Variants in GRID2 observed in about 807,000 individuals in gnomAD.
The protein encoded by GRID2 is glutamate receptor ionotropic, delta-2.
Under a neutral mutation model 114.8 loss-of-function variants are expected in GRID2, and 33 were observed. The ratio of observed to expected loss-of-function variants is 0.29; its 90% confidence interval spans 0.22 to 0.38. The LOEUF is 0.38. Ranked by LOEUF, GRID2 falls within the 10% of genes least tolerant of loss-of-function variation. The pLI, the probability that GRID2 is intolerant of heterozygous loss-of-function variation, is 1.00. For synonymous variants in GRID2, 505 were observed against 449.9 expected (o/e 1.12, Z -1.55); for missense variants, 1,184 against 1,257.7 (o/e 0.94, Z 0.89).
chr4:92,923,504 C>T (rs896982238), intron 2 of GRID2, among the ~76,000 whole-genome samples: 36 of 151,424 alleles, frequency 2.4e-4, no homozygotes, highest in African/African-American at 8.5e-4. Flanking sequence ...AATTAGAAAT[C>T]AATAAAAAAA....
intron 2 of GRID2, among the ~76,000 whole-genome samples, chr4:92,734,422 C>T (rs1332981720): frequency 6.6e-6 from 1 of 151,970 alleles, no homozygotes; most frequent in Non-Finnish European, 1.5e-5. Flanking sequence ...TCTGAGACTA[C>T]AGGTGCATGC....
chr4:93,657,997 C>A (rs1421919490), intron 14 of GRID2, among the ~76,000 whole-genome samples: 1 of 152,074 alleles, frequency 6.6e-6, no homozygotes, highest in Non-Finnish European at 1.5e-5. Flanking sequence ...TGAAATGGAC[C>A]ATTCATTTCT....
chr4:93,539,802 T>G (rs547660962), intron 13 of GRID2, among the ~76,000 whole-genome samples: 17 of 151,986 alleles, frequency 1.1e-4, no homozygotes, highest in Non-Finnish European at 2.1e-4. Flanking sequence ...TCTGATGGGT[T>G]TTTTTTGTTT....
chr4:93,769,140 A>G lies in GRID2; in HGVS notation c.2361-70A>G. 3 of 1,491,800 alleles carry G rather than the reference A, an allele frequency of 2.0e-6. No individual in the cohort carries two copies. The South Asian group carries it at 3.5e-5, about 17-fold the overall frequency. 92.4% of individuals were successfully genotyped at this position (1,491,800 alleles called of 1,614,324 possible). ...ACCATCCTACAGAGGTGGGATTATA[A>G]ATGGATGTGTTGTGAACCAGGGCGA... On this transcript the variant is annotated intron_variant, in intron 14 of 15. Coordinates refer to ENST00000282020, the MANE Select transcript of GRID2 (RefSeq NM_001510.4).
intron 8 of GRID2, among the ~76,000 whole-genome samples, chr4:93,395,124 T>C (rs909525859): frequency 5.9e-5 from 9 of 151,956 alleles, no homozygotes; most frequent in Non-Finnish European, 1.0e-4. Context: ...AACAAAGACA[T>C]ACACATGATT....
At chr4:92,526,775 C>T (rs188298935) in intron 1 of GRID2, among the ~76,000 whole-genome samples, 248 of 151,966 alleles carry the variant, frequency 1.6e-3, no homozygotes, top group African/African-American at 5.8e-3. Flanking sequence ...CTTCCTGAAC[C>T]ATAAGTCATA....
intron 13 of GRID2, among the ~76,000 whole-genome samples, chr4:93,525,928 T>A (rs576074708): frequency 3.9e-5 from 6 of 152,334 alleles, no homozygotes; most frequent in African/African-American, 1.4e-4. Flanking sequence ...CTTATTCCAA[T>A]AAATATCCAA....
intron 2 of GRID2, among the ~76,000 whole-genome samples, chr4:92,770,389 A>G (rs954860330): frequency 6.6e-6 from 1 of 152,104 alleles, no homozygotes. Flanking sequence ...TGAGCCCTCC[A>G]AACTGTTCCA....
intron 1 of GRID2, among the ~76,000 whole-genome samples, chr4:92,564,141 T>C (rs1727227182): frequency 6.6e-6 from 1 of 152,056 alleles, no homozygotes; most frequent in African/African-American, 2.4e-5. Flanking sequence ...TCCTAGTCTA[T>C]ACACCAAATG....
At chr4:93,738,545 G>A (rs1190800542) in intron 14 of GRID2, among the ~76,000 whole-genome samples, 1 of 152,092 alleles carries the variant, frequency 6.6e-6, no homozygotes, top group East Asian at 1.9e-4. Flanking sequence ...ATGCCTAATA[G>A]ACTTAATGAT....
At chr4:93,789,666 G>T (rs1274372024) in intron 1 of GRID2, among the ~76,000 whole-genome samples, 1 of 152,118 alleles carries the variant, frequency 6.6e-6, no homozygotes, top group African/African-American at 2.4e-5. Flanking sequence ...AATAATATGG[G>T]ACATATCAAA....
intron 8 of GRID2, among the ~76,000 whole-genome samples, chr4:93,360,592 G>T (rs922831267): frequency 5.9e-5 from 9 of 151,738 alleles, no homozygotes; most frequent in African/African-American, 2.2e-4. Context: ...GTATTGCATT[G>T]TGGTCAGATA....
intron 2 of GRID2, among the ~76,000 whole-genome samples, chr4:92,744,851 C>G (rs552606603): frequency 6.6e-6 from 1 of 152,242 alleles, no homozygotes; most frequent in African/African-American, 2.4e-5. Flanking sequence ...ATTTCCCTAA[C>G]TGGATTATGA....
chr4:92,315,993 C>CAAAAAAAAAAAAAAAAAAAAAAAAGAAAA (rs778361565), intron 1 of GRID2, among the ~76,000 whole-genome samples: 2 of 61,916 alleles, frequency 3.2e-5, no homozygotes, highest in African/African-American at 1.2e-4. Flanking sequence ...AAACAAAAAG[C>CAAAAAAAAAAAAAAAAAAAAAAAAGAAAA]AAAAAAAAAA....
At chr4:93,637,712 A>G (rs1721540637) in intron 14 of GRID2, among the ~76,000 whole-genome samples, 1 of 152,180 alleles carries the variant, frequency 6.6e-6, no homozygotes, top group Non-Finnish European at 1.5e-5. Context: ...ATTGAAAGCT[A>G]TGGGACGATA....
At chr4:92,478,799 T>C (rs1474353648) in intron 1 of GRID2, among the ~76,000 whole-genome samples, 1 of 152,118 alleles carries the variant, frequency 6.6e-6, no homozygotes, top group Non-Finnish European at 1.5e-5. Flanking sequence ...CCTCTCCCAA[T>C]ATAGAATTTC....
intron 13 of GRID2, among the ~76,000 whole-genome samples, chr4:93,603,077 G>C (rs948024707): frequency 3.3e-5 from 5 of 152,252 alleles, no homozygotes; most frequent in South Asian, 2.1e-4. Flanking sequence ...AGACGTGGTG[G>C]CAGGCGCCTG....
intron 2 of GRID2, among the ~76,000 whole-genome samples, chr4:92,916,789 T>C (rs1447953842): frequency 6.6e-6 from 1 of 152,198 alleles, no homozygotes; most frequent in Admixed American, 6.5e-5. Flanking sequence ...GTTCCAAGTT[T>C]TGCTGTTGTG....
intron 4 of GRID2, among the ~76,000 whole-genome samples, chr4:93,125,137 A>G (rs1451585927): frequency 1.3e-5 from 2 of 152,086 alleles, no homozygotes; most frequent in African/African-American, 4.8e-5. Flanking sequence ...TATTCAGATT[A>G]TCAATGCTTA....
Sources: allele counts gnomAD v4.1 joint callset (sites outside exome capture counted in the v4.1 genomes callset), GRCh38; gene constraint gnomAD v4.1.1; transcripts MANE v1.5; gene names NCBI Gene and HGNC (gene_info 2026-07-23, HGNC 2026-07-21).